ATRNL1: variants seen among roughly 807,000 people sequenced by gnomAD.
The protein encoded by ATRNL1 is attractin like 1, also known as attractin-like protein 1.
Under a neutral mutation model 182.7 loss-of-function variants are expected in ATRNL1, and 95 were observed. The ratio of observed to expected loss-of-function variants is 0.52; its 90% CI spans 0.44 to 0.62. The LOEUF (loss-of-function observed/expected upper bound fraction) is 0.62. Ranked by LOEUF, ATRNL1 falls within the 20% of genes least tolerant of loss-of-function variation. ATRNL1 has a pLI of 0.00. For missense variants in ATRNL1, 1,471 were observed against 1,679.5 expected (o/e 0.88, Z 2.17); for synonymous variants, 576 against 568.3 (o/e 1.01, Z -0.19).
In ATRNL1 at chr10:115,211,585, C is replaced by T. The variant is rs190201664; in HGVS notation, c.1349-4112C>T. 2.1e-3 allele frequency among the ~76,000 whole-genome samples: 321 copies of T among 151,412 alleles called. 1 individual carries two copies. The highest frequency in any genetic ancestry group is 5.8e-3 in the African/African-American group (240 of 41,342). ...TGAATCTGTAAGTTTATGTCTTTTACAAAATTTGGAAGTATTTGGCCATCA... is the reference window on the plus strand; with the variant it reads ...TGAATCTGTAAGTTTATGTCTTTTATAAAATTTGGAAGTATTTGGCCATCA... On this transcript the variant is annotated intron_variant, in intron 8 of 28. Transcript: ENST00000355044.
intron 28 of ATRNL1, among the ~76,000 whole-genome samples, chr10:115,876,708 A>T (rs2134429491): frequency 6.6e-6 from 1 of 152,348 alleles, no homozygotes; most frequent in East Asian, 1.9e-4. Flanking sequence ...ACCATAGTTA[A>T]TTCATTGCTA....
intron 26 of ATRNL1, among the ~76,000 whole-genome samples, chr10:115,589,945 TTCTA>T (rs1435020027): frequency 2.0e-5 from 3 of 152,204 alleles, no homozygotes; most frequent in Admixed American, 6.5e-5. Context: ...TAAAACCGAA[TTCTA>T]TCTGACACAG....
chr10:115,798,351 C>G (rs2134228756), intron 27 of ATRNL1, among the ~76,000 whole-genome samples: 1 of 152,286 alleles, frequency 6.6e-6, no homozygotes, highest in South Asian at 2.1e-4. Flanking sequence ...TCACCTGTTA[C>G]AGGAGGCTTC....
chr10:115,223,911 G>GTATATATATA (rs782032076), intron 9 of ATRNL1, among the ~76,000 whole-genome samples: 20 of 58,038 alleles, frequency 3.4e-4, no homozygotes, highest in African/African-American at 1.4e-3. Context: ...GTGTGTGTGT[G>GTATATATATA]TGTATATATA....
intron 21 of ATRNL1, among the ~76,000 whole-genome samples, chr10:115,430,070 C>T (rs1415348715): frequency 6.6e-6 from 1 of 151,904 alleles, no homozygotes; most frequent in Non-Finnish European, 1.5e-5. Flanking sequence ...GACTCTGTCT[C>T]AAAAAACAAC....
At chr10:115,705,978 T>A (rs10885778) in intron 26 of ATRNL1, among the ~76,000 whole-genome samples, 1 of 151,666 alleles carries the variant, frequency 6.6e-6, no homozygotes, top group Non-Finnish European at 1.5e-5. Flanking sequence ...CATTTTCTTA[T>A]ATCATCCCAG....
chr10:115,532,306 G>C (rs140693449), intron 25 of ATRNL1, among the ~76,000 whole-genome samples: 1 of 152,018 alleles, frequency 6.6e-6, no homozygotes, highest in African/African-American at 2.4e-5. Flanking sequence ...TTATTTCATC[G>C]AGTGCTGGTT....
intron 27 of ATRNL1, among the ~76,000 whole-genome samples, chr10:115,829,860 G>A (rs1173924309): frequency 6.6e-6 from 1 of 152,084 alleles, no homozygotes; most frequent in Non-Finnish European, 1.5e-5. Flanking sequence ...ACACAGCAAT[G>A]CCACCTTTTA....
At chr10:115,421,202 A>C (rs1554961859) in intron 20 of ATRNL1, among the ~76,000 whole-genome samples, 1 of 152,206 alleles carries the variant, frequency 6.6e-6, no homozygotes, top group Non-Finnish European at 1.5e-5. Context: ...CTATGAGGCC[A>C]GCATTACCCT....
At chr10:115,506,264 T>C (rs1009615208) in intron 24 of ATRNL1, among the ~76,000 whole-genome samples, 17 of 151,982 alleles carry the variant, frequency 1.1e-4, no homozygotes, top group South Asian at 4.1e-4. Flanking sequence ...TCAAGTCTGA[T>C]AGAGTTGGTT....
chr10:115,220,709 T>A (rs1554897242), intron 9 of ATRNL1, among the ~76,000 whole-genome samples: 1 of 92,934 alleles, frequency 1.1e-5, no homozygotes, highest in Non-Finnish European at 1.9e-5. Flanking sequence ...TGGACAGAAA[T>A]GGTAAATAAA....
At chr10:115,906,930 C>T (rs1490626648) in intron 28 of ATRNL1, among the ~76,000 whole-genome samples, 2 of 121,496 alleles carry the variant, frequency 1.6e-5, no homozygotes, top group Admixed American at 7.5e-5. Flanking sequence ...ACAGGTTATC[C>T]GAAATGCTTC....
chr10:115,549,095 G>C (rs145360750), intron 25 of ATRNL1, among the ~76,000 whole-genome samples: 1 of 151,916 alleles, frequency 6.6e-6, no homozygotes, highest in Non-Finnish European at 1.5e-5. Flanking sequence ...ATGTACATGT[G>C]TGACGTTTGG....
chr10:115,912,913 A>C (rs1202592906), intron 28 of ATRNL1, among the ~76,000 whole-genome samples: 2 of 152,164 alleles, frequency 1.3e-5, no homozygotes, highest in African/African-American at 4.8e-5. Context: ...GCCACCACTT[A>C]CTAACCGTGT....
chr10:115,480,215 C>CAG (rs1260508126), intron 24 of ATRNL1, among the ~76,000 whole-genome samples: 1 of 150,614 alleles, frequency 6.6e-6, no homozygotes, highest in African/African-American at 2.4e-5. Context: ...TGAACACACA[C>CAG]ACACACACAC....
Position 115,093,598 on chromosome 10 carries a change from G to T in ATRNL1, c.-153G>T. The T allele has an allele frequency of 1.1e-6, 1 of 883,982 alleles. No homozygotes were observed. Among genetic ancestry groups the T allele is most frequent in the African/African-American group, 1.7e-5 (1 of 57,790 alleles). 54.8% of individuals were successfully genotyped at this position (883,982 alleles called of 1,614,324 possible). A position where few individuals can be genotyped will look rare whatever the true frequency, so the allele number is the denominator to read the frequency against. On this transcript the variant is annotated 5_prime_UTR_variant, in exon 1 of 29. Coordinates refer to ENST00000355044, the MANE Select transcript of ATRNL1 (RefSeq NM_207303.4). The surrounding 1 kb of genome is among the most constrained non-coding windows in gnomAD (Gnocchi z 6.1). ...GCGGAGGCGACGGCGGTTGGGATCT[G>T]TCCCTCCTGACCGGGGAGCGGGACT...
At chr10:115,674,011 G>GAA (rs1945783212) in intron 26 of ATRNL1, among the ~76,000 whole-genome samples, 1 of 151,982 alleles carries the variant, frequency 6.6e-6, no homozygotes, top group African/African-American at 2.4e-5. Context: ...ACATCCAACT[G>GAA]GGCCCAGCCT....
intron 28 of ATRNL1, among the ~76,000 whole-genome samples, chr10:115,906,396 A>T (rs1367607775): frequency 6.6e-6 from 1 of 152,118 alleles, no homozygotes; most frequent in East Asian, 1.9e-4. Flanking sequence ...ATGATTATAT[A>T]TACCTCAAAA....
intron 26 of ATRNL1, among the ~76,000 whole-genome samples, chr10:115,672,624 G>A (rs73377539): frequency 0.02 from 2,980 of 152,052 alleles, 82 homozygotes; most frequent in African/African-American, 0.067. Context: ...CTTAGATTTC[G>A]ATTTTCAAAG....
Sources: gnomAD v4.1 joint callset for allele counts (sites outside exome capture counted in the v4.1 genomes callset) on GRCh38, gnomAD v4.1.1 for gene constraint, Gnocchi (gnomAD v3.1) non-coding constraint, MANE v1.5 for transcripts, NCBI Gene and HGNC (gene_info 2026-07-23, HGNC 2026-07-21) for gene names.